The following VAV3 variants were observed in gnomAD, a reference collection of about 807,000 sequenced individuals.
VAV3 encodes the protein guanine nucleotide exchange factor VAV3.
VAV3 carries 94 observed loss-of-function variants against 131.2 expected under a neutral mutation model. That is an observed-to-expected ratio of 0.72 (90% CI 0.61 to 0.85). VAV3 has a LOEUF of 0.85. Among genes scored for constraint, VAV3 ranks in the 40% least tolerant of loss-of-function variants. The pLI is 0.00. For synonymous variants in VAV3, 349 were observed against 342.0 expected, an observed-to-expected ratio of 1.02 and a Z score of -0.22; for missense variants, 939 against 1,002.7, an observed-to-expected ratio of 0.94 and a Z score of 0.86.
At chr1:107,669,905 T>C (rs1213159063) in intron 19 of VAV3, among the ~76,000 whole-genome samples, 1 of 152,202 alleles carries the variant, frequency 6.6e-6, no homozygotes, top group African/African-American at 2.4e-5. Flanking sequence ...ATCACCCAAA[T>C]AATGTTACAG....
At chr1:107,688,873 T>C (rs566894632) in intron 17 of VAV3, among the ~76,000 whole-genome samples, 1 of 152,322 alleles carries the variant, frequency 6.6e-6, no homozygotes. Context: ...TTGTTTTTTG[T>C]TAAGTGGCTA....
chr1:107,957,998 C>T (rs79762732), intron 1 of VAV3, among the ~76,000 whole-genome samples: 8,767 of 152,118 alleles, frequency 0.058, 342 homozygotes, highest in African/African-American at 0.11. Flanking sequence ...TCCAGAGAAC[C>T]TAGGTTAAGC....
At chr1:107,778,015 A>G (rs572705843) in intron 3 of VAV3, among the ~76,000 whole-genome samples, 1 of 152,184 alleles carries the variant, frequency 6.6e-6, no homozygotes, top group African/African-American at 2.4e-5. Flanking sequence ...TCCTTTTTTC[A>G]TAACTGCCTT....
intron 2 of VAV3, among the ~76,000 whole-genome samples, chr1:107,793,434 G>T (rs1666392552): frequency 1.3e-5 from 2 of 152,126 alleles, no homozygotes; most frequent in African/African-American, 4.8e-5. Context: ...TTTATATATT[G>T]TCTCCCAGAA....
At chr1:107,903,555 A>T (rs961577419) in intron 1 of VAV3, among the ~76,000 whole-genome samples, 3 of 152,202 alleles carry the variant, frequency 2.0e-5, no homozygotes, top group African/African-American at 7.2e-5. Context: ...AGAAATGATA[A>T]GAATACCATT....
At chr1:107,869,441 A>C (rs1317533905) in intron 2 of VAV3, among the ~76,000 whole-genome samples, 2 of 152,182 alleles carry the variant, frequency 1.3e-5, no homozygotes, top group Non-Finnish European at 2.9e-5. Flanking sequence ...TAATAACATT[A>C]ACAATAAGAG....
At chr1:107,921,753 A>G (rs1672909104) in intron 1 of VAV3, among the ~76,000 whole-genome samples, 1 of 152,246 alleles carries the variant, frequency 6.6e-6, no homozygotes, top group Non-Finnish European at 1.5e-5. Context: ...CTTTAGTTCT[A>G]AAGTGAAATT....
intron 19 of VAV3, among the ~76,000 whole-genome samples, chr1:107,659,163 C>G (rs1395282486): frequency 3.3e-5 from 5 of 152,002 alleles, no homozygotes; most frequent in Non-Finnish European, 7.4e-5. Context: ...CAGCTTTCTA[C>G]ATATGGCTAG....
chr1:107,695,690 C>T (rs966254005), intron 17 of VAV3, among the ~76,000 whole-genome samples: 1 of 152,080 alleles, frequency 6.6e-6, no homozygotes, highest in Non-Finnish European at 1.5e-5. Context: ...CCTTTATCTA[C>T]CTGGGGTGTG....
intron 1 of VAV3, among the ~76,000 whole-genome samples, chr1:107,917,669 C>T (rs1422514524): frequency 6.6e-6 from 1 of 151,974 alleles, no homozygotes; most frequent in East Asian, 1.9e-4. Flanking sequence ...AGCAGACAGT[C>T]AAAAATGAAA....
intron 19 of VAV3, among the ~76,000 whole-genome samples, chr1:107,648,070 G>C (rs984918482): frequency 2.6e-5 from 4 of 152,024 alleles, no homozygotes; most frequent in African/African-American, 9.7e-5. Flanking sequence ...CAATTTGGTG[G>C]AAAACAAACT....
intron 17 of VAV3, among the ~76,000 whole-genome samples, chr1:107,689,023 T>G (rs1659232508): frequency 6.6e-6 from 1 of 152,162 alleles, no homozygotes; most frequent in African/African-American, 2.4e-5. Flanking sequence ...AACAATTCCT[T>G]CATTACATTT....
intron 20 of VAV3, among the ~76,000 whole-genome samples, chr1:107,626,583 G>C (rs1654033628): frequency 6.6e-6 from 1 of 152,084 alleles, no homozygotes; most frequent in Admixed American, 6.6e-5. Context: ...CAAGGGATGG[G>C]GTTAATAAAT....
intron 2 of VAV3, among the ~76,000 whole-genome samples, chr1:107,873,377 A>G (rs1005360587): frequency 3.3e-5 from 5 of 152,196 alleles, no homozygotes; most frequent in African/African-American, 4.8e-5. Context: ...TGAGCTTTAA[A>G]AAGTCAAGAC....
intron 7 of VAV3, 50 bp from the exon 8 acceptor site, chr1:107,766,600 A>G: frequency 7.1e-7 from 1 of 1,408,826 alleles, no homozygotes; most frequent in South Asian, 1.2e-5. Flanking sequence ...CAACCAAAAA[A>G]TACACCCCAA....
intron 24 of VAV3, among the ~76,000 whole-genome samples, 164 bp from the exon 25 acceptor site, chr1:107,596,505 T>G (rs1385110556): frequency 6.6e-6 from 1 of 152,184 alleles, no homozygotes. Flanking sequence ...GCTGTCTGGA[T>G]GTACATGACA....
At chr1:107,762,110 GTTC>G in intron 9 of VAV3, among the ~76,000 whole-genome samples, 1 of 106,822 alleles carries the variant, frequency 9.4e-6, no homozygotes, top group South Asian at 3.1e-4. Flanking sequence ...TAACTATGGT[GTTC>G]TTCAAAAAAA....
At chr1:107,605,176 AT>A (rs1303322201) in intron 22 of VAV3, among the ~76,000 whole-genome samples, 2 of 152,172 alleles carry the variant, frequency 1.3e-5, no homozygotes, top group East Asian at 3.9e-4. Flanking sequence ...CCAAAAATAC[AT>A]TTTTCAACAA....
At chr1:107,601,118 GT>G (rs1651823006) in intron 24 of VAV3, among the ~76,000 whole-genome samples, 1 of 151,986 alleles carries the variant, frequency 6.6e-6, no homozygotes, top group Admixed American at 6.6e-5. Context: ...CTCCCTCCAA[GT>G]TTTCATTTTA....
Sources: allele counts gnomAD v4.1 joint callset (sites outside exome capture counted in the v4.1 genomes callset), GRCh38; gene constraint gnomAD v4.1.1; transcripts MANE v1.5; gene names NCBI Gene and HGNC (gene_info 2026-07-23, HGNC 2026-07-21).